The following COG5 variants were observed in gnomAD, a reference collection of about 807,000 sequenced individuals.
COG5 encodes the protein component of oligomeric golgi complex 5, also known as conserved oligomeric Golgi complex subunit 5.
Under a neutral mutation model 110.4 loss-of-function variants are expected in COG5, and 86 were observed. The observed-to-expected ratio is 0.78, with a 90% CI of 0.65 to 0.93. The LOEUF (loss-of-function observed/expected upper bound fraction) is 0.93, where lower values mean the gene tolerates loss of function less well. Among genes scored for constraint, COG5 ranks in the 40% least tolerant of loss-of-function variants. The probability of loss-of-function intolerance (pLI) is 0.00; values close to 1 mark genes in which losing one functional copy is unlikely to be tolerated. For missense variants in COG5, 1,077 were observed against 987.0 expected, an observed-to-expected ratio of 1.09 and a Z score of -1.22; for synonymous variants, 360 against 334.6, an observed-to-expected ratio of 1.08 and a Z score of -0.83.
intron 6 of COG5, among the ~76,000 whole-genome samples, chr7:107,465,071 T>C (rs776618682): frequency 2.6e-5 from 4 of 152,190 alleles, no homozygotes; most frequent in Non-Finnish European, 5.9e-5. Flanking sequence ...TCAGGGCTTA[T>C]GGGGATTGTT....
intron 14 of COG5, among the ~76,000 whole-genome samples, chr7:107,265,355 C>G (rs1803712382): frequency 6.6e-6 from 1 of 152,146 alleles, no homozygotes; most frequent in Non-Finnish European, 1.5e-5. Flanking sequence ...TCATGATTCA[C>G]TGCAGCCTCG....
intron 16 of COG5, chr7:107,253,162 G>A (rs1412187587): frequency 6.6e-6 from 1 of 152,136 alleles, no homozygotes; most frequent in African/African-American, 2.4e-5. Context: ...AGATATGGTG[G>A]TTTACATAGA....
intron 12 of COG5, among the ~76,000 whole-genome samples, chr7:107,288,085 C>T (rs769645741): frequency 3.3e-5 from 5 of 152,102 alleles, no homozygotes; most frequent in East Asian, 1.9e-4. Flanking sequence ...TTGAAGAGGC[C>T]GCACATAGTG....
At chr7:107,264,287 T>C (rs901859447) in intron 14 of COG5, among the ~76,000 whole-genome samples, 12 of 152,262 alleles carry the variant, frequency 7.9e-5, no homozygotes, top group African/African-American at 2.9e-4. Context: ...ATCAGTTTTT[T>C]AGATATACAG....
intron 11 of COG5, among the ~76,000 whole-genome samples, chr7:107,323,966 A>G (rs145931692): frequency 1.6e-3 from 241 of 152,302 alleles, no homozygotes; most frequent in African/African-American, 5.5e-3. Context: ...AGTTTTGTGG[A>G]ACATATTTGA....
chr7:107,314,995 T>C (rs1188418934), intron 11 of COG5, among the ~76,000 whole-genome samples: 1 of 152,170 alleles, frequency 6.6e-6, no homozygotes, highest in Non-Finnish European at 1.5e-5. Flanking sequence ...TATAGGCTCA[T>C]TAGAACTATG....
chr7:107,336,332 A>C (rs931521458), intron 10 of COG5, among the ~76,000 whole-genome samples: 10 of 152,230 alleles, frequency 6.6e-5, no homozygotes, highest in African/African-American at 2.2e-4. Context: ...TGTGTGAGCT[A>C]GAAATGTGGA....
chr7:107,210,384 G>T, intron 21 of COG5, 142 bp downstream of exon 21: 1 of 1,466,950 alleles, frequency 6.8e-7, no homozygotes, highest in South Asian at 1.4e-5. Context: ...CAGCACCCGT[G>T]CCTAGGCAGT....
At chr7:107,252,457 T>C (rs945058106) in intron 16 of COG5, among the ~76,000 whole-genome samples, 2 of 152,060 alleles carry the variant, frequency 1.3e-5, no homozygotes, top group African/African-American at 4.8e-5. Context: ...TGGTGAATTC[T>C]ACTAAACACT....
chr7:107,346,693 TA>T (rs199684129), intron 10 of COG5, among the ~76,000 whole-genome samples: 2,292 of 152,206 alleles, frequency 0.015, 53 homozygotes, highest in African/African-American at 0.052. Context: ...AACAGGAGGA[TA>T]TTTTTTTTCT....
chr7:107,562,841 A>G (rs1415881662), intron 1 of COG5, among the ~76,000 whole-genome samples: 1 of 152,248 alleles, frequency 6.6e-6, no homozygotes, highest in African/African-American at 2.4e-5. Flanking sequence ...TTCGGTCTTC[A>G]AATGTGTGCA....
chr7:107,232,706 T>C (rs1800863746), intron 18 of COG5, among the ~76,000 whole-genome samples: 1 of 152,224 alleles, frequency 6.6e-6, no homozygotes, highest in Non-Finnish European at 1.5e-5. Context: ...TAGGATATTG[T>C]AAATCATTTT....
At chr7:107,542,727 T>A (rs538161770) in intron 5 of COG5, among the ~76,000 whole-genome samples, 1 of 152,078 alleles carries the variant, frequency 6.6e-6, no homozygotes, top group East Asian at 1.9e-4. Context: ...CCCAGCACTT[T>A]GGGAGGCCGA....
Position 107,241,944 on chromosome 7 carries a change from G to A in COG5, c.1854-5257C>T, listed in dbSNP as rs548089800. ...CTACCGATGCACACCACGACACCCA[G>A]CTAATTTTTGTATTTTTTGTAGAGA... is the stretch of plus-strand genomic sequence containing the variant. On this transcript the variant is annotated intron_variant, in intron 17 of 21. Coordinates refer to ENST00000297135, the MANE Select transcript of COG5 (RefSeq NM_006348.5). Among the ~76,000 whole-genome samples, 7 of 152,060 alleles carry A rather than the reference G, an allele frequency of 4.6e-5. No individual in the cohort carries two copies. In the East Asian group the frequency reaches 5.8e-4, roughly 13 times the overall value.
At chr7:107,255,410 A>G (rs1232760184) in intron 16 of COG5, among the ~76,000 whole-genome samples, 2 of 152,124 alleles carry the variant, frequency 1.3e-5, no homozygotes, top group African/African-American at 4.8e-5. Flanking sequence ...ATCCATTCAT[A>G]TATGAATTTA....
chr7:107,207,879 G>A, intron 21 of COG5: 1 of 909,918 alleles, frequency 1.1e-6, no homozygotes, highest in Non-Finnish European at 1.3e-6. Flanking sequence ...TTCAGCAGCA[G>A]TAGTTACACT....
intron 6 of COG5, among the ~76,000 whole-genome samples, chr7:107,441,436 C>T (rs572638990): frequency 3.3e-5 from 5 of 152,072 alleles, no homozygotes; most frequent in South Asian, 4.2e-4. Context: ...TTGTTTTTGT[C>T]GTTTATGCCT....
intron 6 of COG5, among the ~76,000 whole-genome samples, chr7:107,521,918 G>A (rs1334679579): frequency 1.3e-5 from 2 of 152,090 alleles, no homozygotes; most frequent in African/African-American, 4.8e-5. Flanking sequence ...TAAAGAAAAT[G>A]TGCTACACAC....
chr7:107,428,346 C>T (rs1343486518), intron 6 of COG5, among the ~76,000 whole-genome samples: 8 of 151,990 alleles, frequency 5.3e-5, no homozygotes, highest in African/African-American at 7.3e-5. Flanking sequence ...ACTGGTGCCC[C>T]TAAAAGACAC....
Sources: allele counts gnomAD v4.1 joint callset (sites outside exome capture counted in the v4.1 genomes callset), GRCh38; gene constraint gnomAD v4.1.1; transcripts MANE v1.5; gene names NCBI Gene and HGNC (gene_info 2026-07-23, HGNC 2026-07-21).